USP54: variants seen among roughly 807,000 people sequenced by gnomAD.
USP54 encodes the protein ubiquitin specific peptidase 54.
In USP54, 87 loss-of-function variants were observed where a neutral mutation model predicts 170.5. The ratio of observed to expected loss-of-function variants is 0.51; its 90% CI spans 0.43 to 0.61. The LOEUF (loss-of-function observed/expected upper bound fraction) is 0.61. Among genes scored for constraint, USP54 ranks in the 20% least tolerant of loss-of-function variants. The probability of loss-of-function intolerance (pLI) is 0.00; values close to 1 mark genes in which losing one functional copy is unlikely to be tolerated. For synonymous variants in USP54, 655 were observed against 742.8 expected, an observed-to-expected ratio of 0.88 and a Z score of 1.92; for missense variants, 1,786 against 2,047.8, an observed-to-expected ratio of 0.87 and a Z score of 2.47.
chr10:73,604,105 C>T (rs1240450216), intron 1 of USP54, among the ~76,000 whole-genome samples: 1 of 151,864 alleles, frequency 6.6e-6, no homozygotes. Flanking sequence ...AAAAATTAGC[C>T]GTGTGTGGTG....
At chr10:73,537,582 C>T (rs1213107685) in intron 10 of USP54, among the ~76,000 whole-genome samples, 1 of 152,036 alleles carries the variant, frequency 6.6e-6, no homozygotes, top group Non-Finnish European at 1.5e-5. Flanking sequence ...ACACATGTTA[C>T]TCTGTGATGG....
At chr10:73,508,388 T>C (rs1385612974) in intron 20 of USP54, among the ~76,000 whole-genome samples, 5 of 139,224 alleles carry the variant, frequency 3.6e-5, no homozygotes, top group Non-Finnish European at 6.1e-5. Context: ...GACTGGGCGA[T>C]AGAGTGAGAA....
At chr10:73,566,956 A>G (rs979857082) in intron 4 of USP54, among the ~76,000 whole-genome samples, 10 of 151,756 alleles carry the variant, frequency 6.6e-5, no homozygotes, top group Non-Finnish European at 1.2e-4. Flanking sequence ...GGCTCACTGC[A>G]ACCTCCGCTT....
At chr10:73,509,221 C>G (rs1048884834) in intron 20 of USP54, among the ~76,000 whole-genome samples, 1 of 150,862 alleles carries the variant, frequency 6.6e-6, no homozygotes. Flanking sequence ...TATGGGACCA[C>G]TGAGAAAACT....
At chr10:73,578,504 T>C (rs2076426356) in intron 1 of USP54, among the ~76,000 whole-genome samples, 4 of 152,088 alleles carry the variant, frequency 2.6e-5, no homozygotes, top group Admixed American at 2.6e-4. Context: ...CTCCGCCTCT[T>C]AGGTTCAAGC....
intron 1 of USP54, among the ~76,000 whole-genome samples, chr10:73,611,114 T>C (rs1564961366): frequency 6.6e-6 from 1 of 152,210 alleles, no homozygotes; most frequent in Non-Finnish European, 1.5e-5. Context: ...CTCCTTAATA[T>C]ACAAATATTC....
Position 73,542,903 on chromosome 10 carries a change from A to G in USP54, c.490-18T>C. ...CATACACACTGGGCAAAAGAGAAAA[A>G]GGCAAAACCAAGCAACCATAATCAG... On this transcript the variant is annotated intron_variant, in intron 6 of 23. Coordinates refer to ENST00000687698, the MANE Select transcript of USP54 (RefSeq NM_001391956.1). 1.2e-6 allele frequency: 2 copies of G among 1,613,960 alleles called. No homozygotes were observed. The highest frequency in any genetic ancestry group is 1.7e-6 in the Non-Finnish European group (2 of 1,179,926).
intron 1 of USP54, among the ~76,000 whole-genome samples, chr10:73,578,737 A>G (rs2076458847): frequency 6.6e-6 from 1 of 152,186 alleles, no homozygotes; most frequent in African/African-American, 2.4e-5. Context: ...TACCAAGGCC[A>G]TTTAATTGAG....
At chr10:73,507,819 C>G (rs1202568807) in intron 20 of USP54, among the ~76,000 whole-genome samples, 1 of 151,354 alleles carries the variant, frequency 6.6e-6, no homozygotes, top group Non-Finnish European at 1.5e-5. Context: ...GAGACCCCAT[C>G]TCTAAAAAAA....
intron 1 of USP54, among the ~76,000 whole-genome samples, chr10:73,602,671 C>T (rs547032363): frequency 6.6e-6 from 1 of 151,794 alleles, no homozygotes; most frequent in East Asian, 1.9e-4. Context: ...CCAGCCTGAC[C>T]AAGGTGAAAA....
intron 5 of USP54, among the ~76,000 whole-genome samples, chr10:73,545,059 A>C (rs747411240): frequency 2.6e-5 from 4 of 152,214 alleles, no homozygotes; most frequent in Non-Finnish European, 5.9e-5. Context: ...AGGTTGATGT[A>C]TAGAACACAG....
In USP54 at chr10:73,543,357, G is replaced by GT. The variant is rs200066024; in HGVS notation, c.376-227dup. ...AGCTTCCTCCAACAGTAACATCTGT[G>GT]TTTTTTTTGTTTGTTTTTTTGTTTT... On this transcript the variant is annotated intron_variant, in intron 5 of 23. Transcript: ENST00000687698. 7.2e-3 allele frequency among the ~76,000 whole-genome samples: 1,085 copies of GT among 151,624 alleles called. 15 individuals carry two copies. Among genetic ancestry groups the GT allele is most frequent in the African/African-American group, 0.025 (1,016 of 41,360 alleles).
chr10:73,555,431 C>T (rs758407798), intron 4 of USP54, among the ~76,000 whole-genome samples: 8 of 152,288 alleles, frequency 5.3e-5, no homozygotes, highest in Middle Eastern at 3.4e-3. Flanking sequence ...TAAAGACAAT[C>T]ATAAGCTACA....
intron 17 of USP54, among the ~76,000 whole-genome samples, chr10:73,522,421 T>C (rs1357670609): frequency 6.6e-6 from 1 of 152,246 alleles, no homozygotes; most frequent in Non-Finnish European, 1.5e-5. Flanking sequence ...AGCATTCCAT[T>C]CCTTGCTCAT....
intron 1 of USP54, among the ~76,000 whole-genome samples, chr10:73,578,969 C>G (rs1347631114): frequency 4.3e-5 from 6 of 138,376 alleles, no homozygotes; most frequent in African/African-American, 1.4e-4. Flanking sequence ...TTGAGACAGT[C>G]TCCCTCTGTC....
upstream of USP54, among the ~76,000 whole-genome samples, chr10:73,592,068 A>G (rs2132221196): frequency 6.6e-6 from 1 of 152,282 alleles, no homozygotes; most frequent in African/African-American, 2.4e-5. Context: ...GAAGAGACCT[A>G]GTTACATCAC....
intron 4 of USP54, among the ~76,000 whole-genome samples, chr10:73,569,216 T>G (rs893444994): frequency 4.0e-5 from 6 of 151,818 alleles, no homozygotes; most frequent in African/African-American, 9.7e-5. Context: ...ACTTTTTTTG[T>G]TGTTGTTTTT....
At chr10:73,541,236 G>T in intron 9 of USP54, 139 bp downstream of exon 9, 2 of 1,269,530 alleles carry the variant, frequency 1.6e-6, no homozygotes, top group Non-Finnish European at 2.1e-6. Flanking sequence ...ACGGGTATCT[G>T]TACACAAATA....
chr10:73,521,377 G>A (rs1199863142), intron 17 of USP54, among the ~76,000 whole-genome samples: 1 of 152,194 alleles, frequency 6.6e-6, no homozygotes, highest in Admixed American at 6.5e-5. Context: ...AAAGAACAAA[G>A]TAATAGCAGA....
Sources: allele counts gnomAD v4.1 joint callset (sites outside exome capture counted in the v4.1 genomes callset), GRCh38; gene constraint gnomAD v4.1.1; transcripts MANE v1.5; gene names NCBI Gene and HGNC (gene_info 2026-07-23, HGNC 2026-07-21).